The following NPAS3 variants were observed in gnomAD, a reference collection of about 807,000 sequenced individuals.
The protein encoded by NPAS3 is neuronal PAS domain protein 3, also known as neuronal PAS domain-containing protein 3.
In NPAS3, 14 loss-of-function variants were observed where a neutral mutation model predicts 73.1. The ratio of observed to expected loss-of-function variants is 0.19; its 90% CI spans 0.13 to 0.30. The LOEUF (loss-of-function observed/expected upper bound fraction) is 0.30. NPAS3 is among the 10% of genes least tolerant of loss of function. NPAS3 has a pLI of 1.00. For synonymous variants in NPAS3, 620 were observed against 541.5 expected (o/e 1.14, Z -2.01); for missense variants, 1,096 against 1,250.0 (o/e 0.88, Z 1.86).
chr14:33,435,365 A>T (rs576880020), intron 4 of NPAS3, among the ~76,000 whole-genome samples: 3 of 152,334 alleles, frequency 2.0e-5, no homozygotes, highest in Non-Finnish European at 4.4e-5. Flanking sequence ...AAATAAAATC[A>T]TGTTGCTGTC....
At position 33,056,071 on chromosome 14, in the gene NPAS3, C is replaced by A. The variant is rs188826465; in HGVS notation, c.140+77C>A. On this transcript the variant is annotated intron_variant, in intron 2 of 11. Coordinates refer to ENST00000356141, the Ensembl canonical transcript of NPAS3. ...TGGTTGCCAGCTATTCAAAAATATC[C>A]TTGTATTGAAACCTTCTTTTTATCT... 5.9e-4 allele frequency: 386 copies of A among 654,668 alleles called. 2 individuals are homozygous for A. The African/African-American group carries it at 6.3e-3, about 11-fold the overall frequency. The allele number at this position is 654,668 out of a possible 1,614,324, so 40.6% of individuals were successfully genotyped here.
intron 4 of NPAS3, among the ~76,000 whole-genome samples, chr14:33,484,327 A>G (rs2051475383): frequency 6.6e-6 from 1 of 152,148 alleles, no homozygotes. Context: ...AGACTGCATT[A>G]TTATCTGCTA....
At chr14:33,348,313 G>C (rs1267967120) in intron 3 of NPAS3, among the ~76,000 whole-genome samples, 1 of 152,182 alleles carries the variant, frequency 6.6e-6, no homozygotes, top group African/African-American at 2.4e-5. Context: ...CAGCAAAAAT[G>C]AGGGTGAGGA....
At chr14:33,138,478 A>G (rs958895031) in intron 2 of NPAS3, among the ~76,000 whole-genome samples, 6 of 152,176 alleles carry the variant, frequency 3.9e-5, no homozygotes, top group African/African-American at 1.2e-4. Context: ...AACATACTTG[A>G]AAAGATTCAT....
intron 2 of NPAS3, among the ~76,000 whole-genome samples, chr14:33,208,680 A>C (rs184236962): frequency 1.5e-4 from 23 of 152,324 alleles, no homozygotes; most frequent in African/African-American, 4.8e-4. Context: ...TTCACATGTT[A>C]AATGAGAAAA....
intron 3 of NPAS3, among the ~76,000 whole-genome samples, chr14:33,278,736 C>A (rs535497611): frequency 6.6e-6 from 1 of 152,140 alleles, no homozygotes; most frequent in South Asian, 2.1e-4. Context: ...GGAAAGTAAA[C>A]AGATTTTAAA....
chr14:33,525,202 T>C (rs1291212923), intron 4 of NPAS3, among the ~76,000 whole-genome samples: 1 of 152,210 alleles, frequency 6.6e-6, no homozygotes, highest in African/African-American at 2.4e-5. Context: ...CATTCAGTCA[T>C]CTTTTCTAGA....
Position 33,800,915 on chromosome 14 carries a change from G to C in NPAS3, c.2608G>C (p.Glu870Gln). ...TGGCCTCGACCCCAAGACGCCCATGGAGATGCTCTACCACCACGTGCACCG... is the reference window on the plus strand; with the variant it reads ...TGGCCTCGACCCCAAGACGCCCATGCAGATGCTCTACCACCACGTGCACCG... The change falls in exon 12 of 12, where the codon GAG becomes CAG. Residue 870 changes from glutamate to glutamine, a missense_variant. Around this residue, in one of 5 missense-constraint regions of NPAS3, gnomAD observed 698 missense variants for 676.7 expected, o/e 1.03. Transcript: ENST00000356141. The surrounding 1 kb of genome is among the most constrained non-coding windows in gnomAD (Gnocchi z 6.5). 1 of 1,608,806 alleles carries C rather than the reference G, an allele frequency of 6.2e-7. No homozygotes were observed. Among genetic ancestry groups the C allele is most frequent in the Non-Finnish European group, 8.5e-7 (1 of 1,178,122 alleles).
intron 4 of NPAS3, among the ~76,000 whole-genome samples, chr14:33,479,132 C>G (rs763326889): frequency 6.6e-6 from 1 of 152,134 alleles, no homozygotes; most frequent in African/African-American, 2.4e-5. Context: ...TATTGTTAAA[C>G]CAATGCGCTT....
At chr14:33,278,287 A>G (rs1412420063) in intron 3 of NPAS3, among the ~76,000 whole-genome samples, 1 of 152,178 alleles carries the variant, frequency 6.6e-6, no homozygotes, top group Non-Finnish European at 1.5e-5. Flanking sequence ...GGGGCTGTGG[A>G]AGTATACATT....
At chr14:33,543,307 T>G (rs980130255) in intron 4 of NPAS3, among the ~76,000 whole-genome samples, 5 of 152,210 alleles carry the variant, frequency 3.3e-5, no homozygotes, top group African/African-American at 1.2e-4. Flanking sequence ...TATAAACCCA[T>G]TATACTGCTA....
intron 2 of NPAS3, among the ~76,000 whole-genome samples, chr14:33,130,687 G>A (rs888150651): frequency 6.6e-6 from 1 of 152,092 alleles, no homozygotes; most frequent in African/African-American, 2.4e-5. Context: ...GGAGGAGCTG[G>A]CTTCCTAGTC....
intron 2 of NPAS3, among the ~76,000 whole-genome samples, chr14:33,099,464 T>C (rs2042520601): frequency 6.6e-6 from 1 of 151,930 alleles, no homozygotes; most frequent in Non-Finnish European, 1.5e-5. Context: ...AATTCTACAT[T>C]AAATGTAATG....
intron 5 of NPAS3, among the ~76,000 whole-genome samples, chr14:33,608,083 G>T (rs2057634472): frequency 6.6e-6 from 1 of 152,118 alleles, no homozygotes; most frequent in African/African-American, 2.4e-5. Context: ...GCATTTAATG[G>T]TTAACTCTGT....
chr14:33,783,922 A>G (rs985986778), intron 9 of NPAS3, among the ~76,000 whole-genome samples: 5 of 152,208 alleles, frequency 3.3e-5, no homozygotes, highest in Admixed American at 2.0e-4. Flanking sequence ...GTAAATACAA[A>G]CTGAGTATCT....
At chr14:32,962,848 C>A (rs922385488) in intron 1 of NPAS3, among the ~76,000 whole-genome samples, 2 of 149,610 alleles carry the variant, frequency 1.3e-5, no homozygotes, top group African/African-American at 4.9e-5. Flanking sequence ...CAGGTGTGAG[C>A]TACCACACCT....
intron 2 of NPAS3, among the ~76,000 whole-genome samples, chr14:33,060,191 A>G (rs1484959021): frequency 6.6e-6 from 1 of 152,236 alleles, no homozygotes; most frequent in East Asian, 1.9e-4. Flanking sequence ...GAGGAAAGAT[A>G]AGTAGGAAAG....
chr14:32,985,867 G>T (rs2038075351), intron 1 of NPAS3, among the ~76,000 whole-genome samples: 1 of 152,160 alleles, frequency 6.6e-6, no homozygotes, highest in African/African-American at 2.4e-5. Flanking sequence ...GGTGAGCGAG[G>T]ATGGATTTAC....
chr14:33,586,935 C>T (rs1470859200), intron 5 of NPAS3, among the ~76,000 whole-genome samples: 1 of 152,104 alleles, frequency 6.6e-6, no homozygotes, highest in East Asian at 1.9e-4. Flanking sequence ...CACTGAGATG[C>T]AGTAAAAGAC....
Sources: gnomAD v4.1 joint callset for allele counts (sites outside exome capture counted in the v4.1 genomes callset) on GRCh38, gnomAD v4.1.1 for gene constraint, gnomAD v4.1.1 regional missense constraint, Gnocchi (gnomAD v3.1) non-coding constraint, MANE v1.5 for transcripts, NCBI Gene and HGNC (gene_info 2026-07-23, HGNC 2026-07-21) for gene names.